PTPRG: variants seen among roughly 807,000 people sequenced by gnomAD.
PTPRG encodes the protein receptor-type tyrosine-protein phosphatase gamma.
PTPRG carries 102 observed loss-of-function variants against 165.3 expected under a neutral mutation model. That is an observed-to-expected ratio of 0.62 (90% confidence interval 0.53 to 0.73). The LOEUF is 0.73. PTPRG is among the 30% of genes least tolerant of loss of function. The probability of loss-of-function intolerance (pLI) is 0.00; values close to 1 mark genes in which losing one functional copy is unlikely to be tolerated. For synonymous variants in PTPRG, 675 were observed against 669.5 expected (o/e 1.01, Z -0.13); for missense variants, 1,866 against 1,861.4 (o/e 1.00, Z -0.05).
intron 2 of PTPRG, among the ~76,000 whole-genome samples, chr3:61,775,132 A>G (rs1162949775): frequency 6.6e-6 from 1 of 152,060 alleles, no homozygotes; most frequent in Non-Finnish European, 1.5e-5. Context: ...GTGCAGCGGC[A>G]CAATCTTGGC....
chr3:62,208,800 C>T (rs573055590), intron 12 of PTPRG, among the ~76,000 whole-genome samples: 1 of 152,230 alleles, frequency 6.6e-6, no homozygotes, highest in Non-Finnish European at 1.5e-5. Context: ...GAAATAATAA[C>T]AGCGTCACCA....
chr3:61,955,135 C>G (rs1484245781), intron 2 of PTPRG, among the ~76,000 whole-genome samples: 1 of 152,048 alleles, frequency 6.6e-6, no homozygotes, highest in African/African-American at 2.4e-5. Flanking sequence ...GAATTACTGA[C>G]TGCTTTGGAT....
intron 2 of PTPRG, among the ~76,000 whole-genome samples, chr3:61,824,512 A>G (rs1290161402): frequency 6.6e-6 from 1 of 152,198 alleles, no homozygotes; most frequent in Non-Finnish European, 1.5e-5. Context: ...AGGATTTTCA[A>G]TCTCAATGGA....
At chr3:61,569,475 A>G (rs955824544) in intron 1 of PTPRG, among the ~76,000 whole-genome samples, 1 of 152,106 alleles carries the variant, frequency 6.6e-6, no homozygotes, top group Non-Finnish European at 1.5e-5. Context: ...TTTTTAAATC[A>G]AAAGTTTTAT....
At chr3:61,953,524 A>T (rs534055162) in intron 2 of PTPRG, among the ~76,000 whole-genome samples, 18 of 152,290 alleles carry the variant, frequency 1.2e-4, no homozygotes, top group Middle Eastern at 3.4e-3. Flanking sequence ...GCTCCCTAGT[A>T]AATTAAGGTT....
intron 4 of PTPRG, among the ~76,000 whole-genome samples, chr3:62,030,232 G>A (rs180897302): frequency 2.2e-4 from 33 of 148,634 alleles, no homozygotes; most frequent in Non-Finnish European, 3.9e-4. Context: ...CAGTTCCTGC[G>A]TTTTTTGAAC....
chr3:61,865,887 G>T (rs1034973254), intron 2 of PTPRG, among the ~76,000 whole-genome samples: 1 of 152,194 alleles, frequency 6.6e-6, no homozygotes, highest in African/African-American at 2.4e-5. Flanking sequence ...AGATTCAGCA[G>T]TTGCTCAAAA....
chr3:61,939,928 C>CTTTTTTTTTTTTTTTTTTT lies in PTPRG; in HGVS notation c.191-49679_191-49661dup, dbSNP rs561334410. Among the ~76,000 whole-genome samples the CTTTTTTTTTTTTTTTTTTT allele has an allele frequency of 2.6e-4, 10 of 39,142 alleles. 3 individuals are homozygous for CTTTTTTTTTTTTTTTTTTT. The highest frequency in any genetic ancestry group is 4.6e-4 in the Admixed American group (1 of 2,196). 25.7% of individuals were successfully genotyped at this position (39,142 alleles called of 152,430 possible). On this transcript the variant is annotated intron_variant, in intron 2 of 29. Coordinates refer to ENST00000474889, the MANE Select transcript of PTPRG (RefSeq NM_002841.4). Reference sequence around the variant, plus strand: ...TGTCTTGGCTTCCTTACTGACTTGTCTTTTTTTTTTTTTTTTTTTTTTTTT... The same window carrying CTTTTTTTTTTTTTTTTTTT: ...TGTCTTGGCTTCCTTACTGACTTGTCTTTTTTTTTTTTTTTTTTTTTTTTTTTTTTTTTTTTTTTTTTTT...
At chr3:61,938,341 T>C (rs76274316) in intron 2 of PTPRG, among the ~76,000 whole-genome samples, 2,360 of 152,232 alleles carry the variant, frequency 0.016, 42 homozygotes, top group South Asian at 0.075. Context: ...AAAATGGGTT[T>C]TAAGAAGGCA....
intron 2 of PTPRG, among the ~76,000 whole-genome samples, chr3:61,761,579 A>G: frequency 7.6e-6 from 1 of 131,470 alleles, no homozygotes; most frequent in Non-Finnish European, 1.6e-5. Flanking sequence ...CTCCGCCTCA[A>G]AACAAAGAAA....
At chr3:61,656,371 G>A (rs1002624878) in intron 1 of PTPRG, among the ~76,000 whole-genome samples, 8 of 152,184 alleles carry the variant, frequency 5.3e-5, no homozygotes, top group Admixed American at 1.3e-4. Flanking sequence ...GTAGGGAAAT[G>A]CCTCCATAGC....
At chr3:62,180,479 G>T (rs531588633) in intron 8 of PTPRG, among the ~76,000 whole-genome samples, 1 of 152,316 alleles carries the variant, frequency 6.6e-6, no homozygotes, top group South Asian at 2.1e-4. Flanking sequence ...GCAAGACATG[G>T]GGAGAAGGTG....
intron 5 of PTPRG, among the ~76,000 whole-genome samples, chr3:62,079,021 A>G (rs1030827754): frequency 1.1e-4 from 16 of 152,210 alleles, no homozygotes; most frequent in Non-Finnish European, 7.3e-5. Context: ...GCGACTACAT[A>G]AAGGTGTTCA....
At chr3:61,938,132 A>C (rs72884136) in intron 2 of PTPRG, among the ~76,000 whole-genome samples, 4,114 of 151,922 alleles carry the variant, frequency 0.027, 157 homozygotes, top group African/African-American at 0.081. Flanking sequence ...TTTGCATTTA[A>C]ATTTCTTTCT....
rs1235000499 is a variant in PTPRG, at chr3:62,229,795, T to C, written c.2289-1430T>C. ...CATTTGCTTCTCAGCAAAAGTGTTG[T>C]CAGTTTACGGGTGGTAGTTTTAAGC... On this transcript the variant is annotated intron_variant, in intron 13 of 29. Coordinates refer to ENST00000474889, the MANE Select transcript of PTPRG (RefSeq NM_002841.4). This position sits in a 1 kb window ranked among gnomAD's most constrained non-coding sequence, Gnocchi z 4.6. Among the ~76,000 whole-genome samples, 1 of 152,238 alleles carries C rather than the reference T, an allele frequency of 6.6e-6. No homozygotes were observed. Among genetic ancestry groups the C allele is most frequent in the East Asian group, 1.9e-4 (1 of 5,200 alleles).
At chr3:61,953,651 T>C (rs995847063) in intron 2 of PTPRG, among the ~76,000 whole-genome samples, 1 of 152,174 alleles carries the variant, frequency 6.6e-6, no homozygotes, top group African/African-American at 2.4e-5. Flanking sequence ...CTAATTAACA[T>C]AATTTCTAGC....
chr3:61,791,797 T>G (rs1404720504), intron 2 of PTPRG, among the ~76,000 whole-genome samples: 1 of 152,220 alleles, frequency 6.6e-6, no homozygotes, highest in African/African-American at 2.4e-5. Flanking sequence ...CTGTTTCTAA[T>G]AAACTTATAA....
At chr3:61,891,559 G>C (rs1238525991) in intron 2 of PTPRG, among the ~76,000 whole-genome samples, 1 of 152,206 alleles carries the variant, frequency 6.6e-6, no homozygotes, top group Non-Finnish European at 1.5e-5. Context: ...ATCACCTAAT[G>C]ATGGTGAACG....
At chr3:61,941,850 T>C (rs1389298639) in intron 2 of PTPRG, among the ~76,000 whole-genome samples, 2 of 152,082 alleles carry the variant, frequency 1.3e-5, no homozygotes, top group Non-Finnish European at 2.9e-5. Context: ...AATAGATTTT[T>C]TTTTTTCTTT....
Sources: gnomAD v4.1 joint callset for allele counts (sites outside exome capture counted in the v4.1 genomes callset) on GRCh38, gnomAD v4.1.1 for gene constraint, Gnocchi (gnomAD v3.1) non-coding constraint, MANE v1.5 for transcripts, NCBI Gene and HGNC (gene_info 2026-07-23, HGNC 2026-07-21) for gene names.